Variants in ATRX observed in about 807,000 individuals in gnomAD.
ATRX encodes the protein ATRX chromatin remodeler.
A neutral mutation model predicts 172.6 loss-of-function variants in ATRX; 12 were observed. That is an observed-to-expected ratio of 0.07 (90% CI 0.04 to 0.11). ATRX has a LOEUF of 0.11. Ranked by LOEUF, ATRX falls within the 10% of genes least tolerant of loss-of-function variation. ATRX has a pLI of 1.00. For missense variants in ATRX, 1,368 were observed against 1,767.4 expected, an observed-to-expected ratio of 0.77 and a Z score of 4.05; for synonymous variants, 674 against 594.7, an observed-to-expected ratio of 1.13 and a Z score of -1.94.
intron 1 of ATRX, among the ~76,000 whole-genome samples, chrX:77,732,178 A>T (rs975188674): frequency 9.0e-6 from 1 of 110,789 alleles, no homozygotes; most frequent in Admixed American, 9.6e-5. Context: ...TGGGTCCCAC[A>T]CTCACTCGCT....
At chrX:77,651,620 G>A (rs2043190639) in intron 15 of ATRX, among the ~76,000 whole-genome samples, 1 of 111,936 alleles carries the variant, frequency 8.9e-6, no homozygotes, top group East Asian at 2.8e-4. Context: ...TACTTTGGGA[G>A]GCTGAGGCAG....
intron 30 of ATRX, among the ~76,000 whole-genome samples, chrX:77,527,576 C>A (rs782817192): frequency 2.7e-5 from 3 of 112,201 alleles, no homozygotes; most frequent in African/African-American, 6.5e-5. Flanking sequence ...GCAGCTCAGG[C>A]GCACACAGAG....
intron 1 of ATRX, among the ~76,000 whole-genome samples, chrX:77,753,504 G>A (rs2075374953): frequency 9.0e-6 from 1 of 110,943 alleles, no homozygotes; most frequent in African/African-American, 3.3e-5. Flanking sequence ...TCTTCTGCTG[G>A]CTTTTGAATT....
intron 1 of ATRX, among the ~76,000 whole-genome samples, chrX:77,723,941 C>A (rs782370833): frequency 5.4e-5 from 6 of 111,549 alleles, no homozygotes; most frequent in African/African-American, 1.6e-4. Flanking sequence ...AACATCAGTG[C>A]AGTCCATCAA....
intron 34 of ATRX, among the ~76,000 whole-genome samples, chrX:77,516,598 T>C (rs1241265188): frequency 9.0e-6 from 1 of 111,608 alleles, no homozygotes; most frequent in Non-Finnish European, 1.9e-5. Context: ...CAAATATTAT[T>C]AGAGCTAAAT....
chrX:77,576,688 A>G (rs2065631902), intron 27 of ATRX, among the ~76,000 whole-genome samples: 1 of 111,427 alleles, frequency 9.0e-6, no homozygotes, highest in Non-Finnish European at 1.9e-5. Context: ...AATGATACAT[A>G]TATTTATGAG....
chrX:77,693,026 A>G (rs782735312), intron 6 of ATRX, among the ~76,000 whole-genome samples: 7 of 110,954 alleles, frequency 6.3e-5, no homozygotes, highest in Non-Finnish European at 1.1e-4. Context: ...AGCTAGGACT[A>G]CAGGCATGCG....
chrX:77,621,278 T>C (rs1439161691), intron 19 of ATRX, among the ~76,000 whole-genome samples: 1 of 112,119 alleles, frequency 8.9e-6, no homozygotes, highest in Non-Finnish European at 1.9e-5. Context: ...TAAAGGCTTA[T>C]TTGTTAAAAT....
intron 28 of ATRX, 76 bp from the exon 29 acceptor site, chrX:77,558,922 G>A (rs2147951532): frequency 2.4e-6 from 2 of 847,831 alleles, no homozygotes; most frequent in East Asian, 3.4e-5. Flanking sequence ...ATGACTTTTT[G>A]ATACTTAGTT....
intron 25 of ATRX, 151 bp from the exon 26 acceptor site, chrX:77,594,000 C>T: frequency 4.2e-6 from 2 of 478,182 alleles, no homozygotes; most frequent in Non-Finnish European, 3.6e-6. Context: ...AAGGCAGGCA[C>T]ACGCACATAC....
chrX:77,676,735 T>C (rs1422421814), intron 9 of ATRX, among the ~76,000 whole-genome samples: 1 of 112,796 alleles, frequency 8.9e-6, no homozygotes, highest in African/African-American at 3.2e-5. Flanking sequence ...GTTGAATGTG[T>C]ATGGTATTTG....
intron 7 of ATRX, among the ~76,000 whole-genome samples, chrX:77,686,133 A>T (rs782300808): frequency 2.7e-5 from 3 of 112,216 alleles, no homozygotes; most frequent in African/African-American, 9.7e-5. Flanking sequence ...CCTACTATTT[A>T]ATAGCACAAT....
intron 27 of ATRX, among the ~76,000 whole-genome samples, chrX:77,576,350 G>GA (rs1216029971): frequency 9.2e-6 from 1 of 109,257 alleles, no homozygotes; most frequent in Non-Finnish European, 1.9e-5. Flanking sequence ...AGTGATAATA[G>GA]AAAAAAAATA....
In ATRX at chrX:77,673,984, A is replaced by G. The variant is rs1391349782; in HGVS notation, c.3809+2242T>C. The G allele has an allele frequency of 7.2e-5, 8 of 111,194 alleles. No homozygotes were observed. The Admixed American group carries it at 7.7e-4, about 11-fold the overall frequency. 9.2% of individuals were successfully genotyped at this position (111,194 alleles called of 1,213,427 possible). ...GTTTACAAAAATTTATTGCATCCAA[A>G]TAGTTAACCATTTGCAATAATACAC... On this transcript the variant is annotated intron_variant, in intron 10 of 34. Transcript: ENST00000373344.
intron 1 of ATRX, among the ~76,000 whole-genome samples, chrX:77,725,664 CT>C (rs2073998065): frequency 8.9e-6 from 1 of 111,891 alleles, no homozygotes; most frequent in Non-Finnish European, 1.9e-5. Flanking sequence ...GCAAAAGAAA[CT>C]ACCATCAGAG....
In ATRX at chrX:77,567,498, T is replaced by A. The variant is rs1001612690; in HGVS notation, c.6326+6752A>T. Among the ~76,000 whole-genome samples, 3 of 110,848 alleles carry A rather than the reference T, an allele frequency of 2.7e-5. No individual in the cohort carries two copies. The Admixed American group carries it at 2.9e-4, about 11-fold the overall frequency. On this transcript the variant is annotated intron_variant, in intron 28 of 34. Transcript: ENST00000373344. ...AAACAGATTTCAGAGCAAAGAAGAT[T>A]ATGAGGGATAGACAGGGGCACAGCA...
chrX:77,592,649 C>G (rs922045108), intron 26 of ATRX, among the ~76,000 whole-genome samples: 8 of 103,345 alleles, frequency 7.7e-5, no homozygotes, highest in Non-Finnish European at 1.6e-4. Flanking sequence ...CCCATCTCTA[C>G]TAAAAATACA....
At chrX:77,781,891 C>T (rs1483068129) in intron 1 of ATRX, among the ~76,000 whole-genome samples, 3 of 111,791 alleles carry the variant, frequency 2.7e-5, no homozygotes, top group African/African-American at 9.7e-5. Context: ...TATTCAGACC[C>T]CAAAAGTGAA....
At chrX:77,747,656 G>C (rs1298873710) in intron 1 of ATRX, among the ~76,000 whole-genome samples, 1 of 111,646 alleles carries the variant, frequency 9.0e-6, no homozygotes, top group Non-Finnish European at 1.9e-5. Flanking sequence ...ATAAAAAACA[G>C]ATAAAACCTG....
Sources: allele counts gnomAD v4.1 joint callset (sites outside exome capture counted in the v4.1 genomes callset), GRCh38; gene constraint gnomAD v4.1.1; transcripts MANE v1.5; gene names NCBI Gene and HGNC (gene_info 2026-07-23, HGNC 2026-07-21).